Variants in PRKCE observed in about 807,000 individuals in gnomAD.
PRKCE encodes the protein protein kinase C epsilon type.
In PRKCE, 16 loss-of-function variants were observed where a neutral mutation model predicts 85.4. The ratio of observed to expected loss-of-function variants is 0.19; its 90% CI spans 0.13 to 0.28. The LOEUF (loss-of-function observed/expected upper bound fraction) is 0.28, where lower values mean the gene tolerates loss of function less well. Ranked by LOEUF, PRKCE falls within the 10% of genes least tolerant of loss-of-function variation. The probability of loss-of-function intolerance (pLI) is 1.00; values close to 1 mark genes in which losing one functional copy is unlikely to be tolerated. For synonymous variants in PRKCE, 388 were observed against 371.5 expected, an observed-to-expected ratio of 1.04 and a Z score of -0.51; for missense variants, 573 against 975.2, an observed-to-expected ratio of 0.59 and a Z score of 5.49.
chr2:45,652,310 C>T lies in PRKCE; in HGVS notation c.210C>T (p.Val70=), dbSNP rs2230498. ...TNSPAWHDEF[V]TDVCNGRKIE... The stretch of plus-strand genomic sequence containing the variant: ...GCCCGGCCTGGCACGACGAGTTCGT[C>T]ACCGATGTGTGCAACGGACGCAAGA... Residue 70 remains valine, a synonymous_variant, in exon 1 of 15, where the codon GTC becomes GTT. Transcript: ENST00000306156. The surrounding 1 kb of genome is among the most constrained non-coding windows in gnomAD (Gnocchi z 7.7). 1.1e-3 allele frequency: 1,754 copies of T among 1,613,760 alleles called. 14 individuals are homozygous for T. The African/African-American group carries it at 0.018, about 17-fold the overall frequency.
chr2:45,783,621 A>C (rs1366066423), intron 1 of PRKCE, among the ~76,000 whole-genome samples: 1 of 152,214 alleles, frequency 6.6e-6, no homozygotes, highest in African/African-American at 2.4e-5. Context: ...CTCCAGTGAC[A>C]GAAGTAGAAT....
chr2:45,972,922 A>T (rs1702202595), intron 2 of PRKCE, among the ~76,000 whole-genome samples: 1 of 152,252 alleles, frequency 6.6e-6, no homozygotes, highest in South Asian at 2.1e-4. Flanking sequence ...AGTCATATGG[A>T]ACCATGAAAG....
chr2:45,790,366 C>T (rs368200203), intron 1 of PRKCE, among the ~76,000 whole-genome samples: 1 of 152,168 alleles, frequency 6.6e-6, no homozygotes, highest in African/African-American at 2.4e-5. Flanking sequence ...TTGCAGGATG[C>T]GCTGAGAAAA....
chr2:45,939,850 G>A (rs906031384), intron 2 of PRKCE, among the ~76,000 whole-genome samples: 1 of 152,202 alleles, frequency 6.6e-6, no homozygotes, highest in African/African-American at 2.4e-5. Flanking sequence ...ACCATGCCTG[G>A]CCCGCTAATG....
intron 1 of PRKCE, among the ~76,000 whole-genome samples, chr2:45,745,811 CCA>C (rs1478749945): frequency 1.3e-5 from 2 of 152,056 alleles, no homozygotes; most frequent in Non-Finnish European, 2.9e-5. Flanking sequence ...TATCAGCGTT[CCA>C]GTTTCTGTAT....
In PRKCE at chr2:46,001,882, A is replaced by G. The variant is rs952172834; in HGVS notation, c.966+336A>G. 1.3e-5 allele frequency among the ~76,000 whole-genome samples: 2 copies of G among 152,236 alleles called. No homozygotes were observed. The highest frequency in any genetic ancestry group is 4.8e-5 in the African/African-American group (2 of 41,458). Reference sequence around the variant, plus strand: ...GGACTTATCTGCTTCCAGAACTGGCATGAAAGCAATGTCAGTGTCTGAACT... The same window carrying G: ...GGACTTATCTGCTTCCAGAACTGGCGTGAAAGCAATGTCAGTGTCTGAACT... On this transcript the variant is annotated intron_variant, in intron 7 of 14. Coordinates refer to ENST00000306156, the MANE Select transcript of PRKCE (RefSeq NM_005400.3). The surrounding 1 kb of genome is among the most constrained non-coding windows in gnomAD (Gnocchi z 4.4).
chr2:46,114,143 C>G (rs1044623238), intron 11 of PRKCE, among the ~76,000 whole-genome samples: 6 of 152,050 alleles, frequency 3.9e-5, no homozygotes, highest in Admixed American at 3.3e-4. Flanking sequence ...CACAGAAGAA[C>G]CCTGCGGTTC....
intron 1 of PRKCE, among the ~76,000 whole-genome samples, chr2:45,682,626 G>C (rs1386335346): frequency 1.3e-5 from 2 of 151,856 alleles, no homozygotes; most frequent in African/African-American, 4.8e-5. Context: ...CACTCTTGTT[G>C]CCCAGGCTGG....
At chr2:46,163,546 GAGGCCAC>G (rs1677993566) in intron 14 of PRKCE, among the ~76,000 whole-genome samples, 11 of 109,576 alleles carry the variant, frequency 1.0e-4, no homozygotes, top group Non-Finnish European at 1.5e-4. Context: ...ACTCCCCACA[GAGGCCAC>G]TAAGAGACAC....
chr2:45,856,695 C>T (rs796150158), intron 2 of PRKCE, among the ~76,000 whole-genome samples: 7 of 152,320 alleles, frequency 4.6e-5, no homozygotes, highest in African/African-American at 1.7e-4. Context: ...CAACTTCCCT[C>T]CATCCCCCCT....
At chr2:46,146,465 A>G (rs1279803087) in intron 12 of PRKCE, among the ~76,000 whole-genome samples, 3 of 152,248 alleles carry the variant, frequency 2.0e-5, no homozygotes, top group Non-Finnish European at 4.4e-5. Flanking sequence ...GTAAACAACT[A>G]ATTAAGCAGA....
At position 45,976,493 on chromosome 2, in the gene PRKCE, C is replaced by T. The variant is rs778246502; in HGVS notation, c.477C>T (p.Ala159=). 6.9e-6 allele frequency: 11 copies of T among 1,599,712 alleles called. No individual in the cohort carries two copies. Among genetic ancestry groups the T allele is most frequent in the South Asian group, 1.1e-5 (1 of 91,078 alleles). Residue 159 remains alanine (A), a synonymous_variant, in exon 3 of 15, where the codon GCC becomes GCT. Transcript: ENST00000306156. The part of the protein sequence containing the change: ...ERMRPRKRQG[A]VRRRVHQVNG... ...TGCGGCCGAGGAAGCGGCAGGGGGC[C>T]GTCAGGCGCAGGGTCCATCAGGTCA...
chr2:46,137,853 G>A (rs1675148587), intron 11 of PRKCE, among the ~76,000 whole-genome samples: 2 of 151,662 alleles, frequency 1.3e-5, no homozygotes, highest in Admixed American at 1.3e-4. Context: ...CATATATCTT[G>A]ATACGACATC....
At chr2:45,845,957 A>G (rs1691754568) in intron 2 of PRKCE, among the ~76,000 whole-genome samples, 1 of 152,194 alleles carries the variant, frequency 6.6e-6, no homozygotes, top group African/African-American at 2.4e-5. Context: ...GTACAGAAAA[A>G]AGGAGTTGCA....
intron 1 of PRKCE, among the ~76,000 whole-genome samples, chr2:45,770,478 T>G (rs1276565667): frequency 6.6e-6 from 1 of 152,154 alleles, no homozygotes; most frequent in African/African-American, 2.4e-5. Flanking sequence ...CACTTGTGTT[T>G]CTGGAGCTCG....
At chr2:46,071,747 C>A (rs1668102344) in intron 10 of PRKCE, among the ~76,000 whole-genome samples, 1 of 152,240 alleles carries the variant, frequency 6.6e-6, no homozygotes, top group African/African-American at 2.4e-5. Flanking sequence ...TTTAGAGAGA[C>A]CAGCCTCCTA....
intron 2 of PRKCE, among the ~76,000 whole-genome samples, chr2:45,860,120 G>T (rs573024215): frequency 6.6e-6 from 1 of 152,220 alleles, no homozygotes; most frequent in African/African-American, 2.4e-5. Flanking sequence ...AAGCTCCCGA[G>T]GACAAGAATC....
At chr2:45,813,588 A>G (rs999106845) in intron 1 of PRKCE, among the ~76,000 whole-genome samples, 2 of 152,192 alleles carry the variant, frequency 1.3e-5, no homozygotes, top group African/African-American at 4.8e-5. Context: ...GTCTTTCACA[A>G]AAGAGAAAAT....
chr2:46,077,610 G>A (rs558949603), intron 10 of PRKCE, among the ~76,000 whole-genome samples: 6 of 152,296 alleles, frequency 3.9e-5, no homozygotes, highest in African/African-American at 1.4e-4. Context: ...TTAGCAGGGG[G>A]TGAAGGCCTA....
Sources: allele counts gnomAD v4.1 joint callset (sites outside exome capture counted in the v4.1 genomes callset), GRCh38; gene constraint gnomAD v4.1.1; non-coding constraint Gnocchi (gnomAD v3.1); transcripts MANE v1.5; gene names NCBI Gene and HGNC (gene_info 2026-07-23, HGNC 2026-07-21).